The following VPS13B variants were observed in gnomAD, a reference collection of about 807,000 sequenced individuals.
The protein encoded by VPS13B is vacuolar protein sorting 13 homolog B.
A neutral mutation model predicts 426.4 loss-of-function variants in VPS13B; 285 were observed. That is an observed-to-expected ratio of 0.67 (90% confidence interval 0.61 to 0.74). The LOEUF is 0.74. Among genes scored for constraint, VPS13B ranks in the 30% least tolerant of loss-of-function variants. The pLI is 0.00. For synonymous variants in VPS13B, 1,676 were observed against 1,676.4 expected (o/e 1.00, Z 0.01); for missense variants, 4,537 against 4,782.6 (o/e 0.95, Z 1.51).
intron 30 of VPS13B, among the ~76,000 whole-genome samples, chr8:99,537,746 G>A (rs1427599718): frequency 1.3e-5 from 2 of 152,164 alleles, no homozygotes; most frequent in Admixed American, 6.6e-5. Context: ...GATGTGTGAT[G>A]TACTGTAATT....
intron 35 of VPS13B, among the ~76,000 whole-genome samples, chr8:99,694,152 C>T (rs2130117850): frequency 8.7e-5 from 2 of 23,056 alleles, no homozygotes; most frequent in Non-Finnish European, 1.8e-4. Context: ...ATGCCATCCC[C>T]ATCAAGCTAC....
At chr8:99,329,410 G>A (rs1021073663) in intron 19 of VPS13B, among the ~76,000 whole-genome samples, 3 of 152,010 alleles carry the variant, frequency 2.0e-5, no homozygotes, top group Non-Finnish European at 2.9e-5. Context: ...GAAGAACATT[G>A]TGGTCTATAT....
chr8:99,423,850 T>C (rs1422309158), intron 21 of VPS13B, among the ~76,000 whole-genome samples: 1 of 152,194 alleles, frequency 6.6e-6, no homozygotes, highest in South Asian at 2.1e-4. Flanking sequence ...AGTTTTGGAA[T>C]AGGTGTGGTG....
At chr8:99,639,882 G>T (rs1829239001) in intron 33 of VPS13B, among the ~76,000 whole-genome samples, 1 of 148,460 alleles carries the variant, frequency 6.7e-6, no homozygotes, top group African/African-American at 2.5e-5. Flanking sequence ...GAAATGGGAG[G>T]CTTCCTTGAG....
intron 3 of VPS13B, among the ~76,000 whole-genome samples, chr8:99,082,876 AC>A (rs1845560750): frequency 6.6e-6 from 1 of 152,102 alleles, no homozygotes; most frequent in Non-Finnish European, 1.5e-5. Context: ...CTTGTAGTAT[AC>A]TTTGAAGTCA....
intron 36 of VPS13B, among the ~76,000 whole-genome samples, chr8:99,708,813 TTCTCTCTCTCTCTCTGTCTC>T (rs1365160539): frequency 2.8e-5 from 4 of 141,552 alleles, no homozygotes; most frequent in Admixed American, 7.1e-5. Flanking sequence ...TATTAATAGG[TTCTCTCTCTCTCTCTGTCTC>T]TCTCTCTCTC....
At chr8:99,166,905 C>T (rs1477805437) in intron 15 of VPS13B, among the ~76,000 whole-genome samples, 1 of 152,056 alleles carries the variant, frequency 6.6e-6, no homozygotes, top group South Asian at 2.1e-4. Flanking sequence ...AGCAATAAAC[C>T]ATTGTGAGAA....
chr8:99,572,586 G>T (rs539438083), intron 31 of VPS13B, among the ~76,000 whole-genome samples: 1 of 152,196 alleles, frequency 6.6e-6, no homozygotes, highest in East Asian at 1.9e-4. Flanking sequence ...AGTTTGCTGA[G>T]AATGATGGTT....
At chr8:99,864,417 G>A (rs1816991205) in intron 58 of VPS13B, among the ~76,000 whole-genome samples, 1 of 152,036 alleles carries the variant, frequency 6.6e-6, no homozygotes, top group Non-Finnish European at 1.5e-5. Flanking sequence ...AATTAGCCAG[G>A]CATGGTGGCA....
intron 3 of VPS13B, among the ~76,000 whole-genome samples, chr8:99,079,043 C>T (rs1035145426): frequency 9.2e-5 from 14 of 152,168 alleles, no homozygotes; most frequent in African/African-American, 2.9e-4. Flanking sequence ...GGATCAATCT[C>T]CAGGCTCCCA....
intron 31 of VPS13B, among the ~76,000 whole-genome samples, chr8:99,566,942 AT>A (rs2133789205): frequency 6.6e-6 from 1 of 152,260 alleles, no homozygotes; most frequent in East Asian, 1.9e-4. Flanking sequence ...TGTGTCACTT[AT>A]AGTTCACTGT....
In VPS13B at chr8:99,103,041, C is replaced by T. The variant is rs765288271; in HGVS notation, c.501C>T (p.Ile167=). ...NLILKYVEDD[I]VLSVNITSAE... The stretch of plus-strand genomic sequence containing the variant: ...TACTAAAATATGTTGAAGATGATAT[C>T]GTCCTTTCCGTCAATATCACTTCTG... The change falls in exon 5 of 62, where the codon ATC becomes ATT. Residue 167 remains isoleucine, a synonymous_variant. Transcript: ENST00000357162. 1.9e-6 allele frequency: 3 copies of T among 1,612,882 alleles called. No homozygotes were observed. The highest frequency in any genetic ancestry group is 2.7e-5 in the African/African-American group (2 of 74,874).
chr8:99,030,232 T>TC (rs397940900), intron 2 of VPS13B, among the ~76,000 whole-genome samples: 37 of 151,100 alleles, frequency 2.4e-4, no homozygotes, highest in South Asian at 1.5e-3. Context: ...TTTTTTTTTT[T>TC]CGGCTAACCT....
In VPS13B at chr8:99,143,101, G is replaced by A. The variant is rs1810520439; in HGVS notation, c.1779G>A (p.Arg593=). The A allele has an allele frequency of 6.2e-7, 1 of 1,613,866 alleles. No homozygotes were observed. The highest frequency in any genetic ancestry group is 1.3e-5 in the African/African-American group (1 of 74,894). ...DFRLDSSAVH[R]ILKMIVCALE... The stretch of plus-strand genomic sequence containing the variant: ...GTTTGGATAGCAGTGCGGTGCATAG[G>A]ATTTTGAAAATGATTGTGTGTGCCT... The change falls in exon 13 of 62, where the codon AGG becomes AGA. Residue 593 remains arginine, a synonymous_variant. Coordinates refer to ENST00000357162, the MANE Select transcript of VPS13B (RefSeq NM_152564.5).
chr8:99,309,379 C>T (rs1196078746), intron 19 of VPS13B, among the ~76,000 whole-genome samples: 3 of 152,150 alleles, frequency 2.0e-5, no homozygotes, highest in Non-Finnish European at 4.4e-5. Context: ...GGAAGGGATC[C>T]AGTTTCAGCT....
intron 57 of VPS13B, 55 bp downstream of exon 57, chr8:99,859,535 T>C (rs572936902): frequency 6.2e-7 from 1 of 1,601,796 alleles, no homozygotes; most frequent in Admixed American, 1.7e-5. Context: ...TTTTTTTTTT[T>C]TTTAAAGAAT....
intron 16 of VPS13B, among the ~76,000 whole-genome samples, chr8:99,186,487 G>T (rs1453120267): frequency 6.6e-6 from 1 of 151,900 alleles, no homozygotes; most frequent in Non-Finnish European, 1.5e-5. Context: ...TTGAGTATTT[G>T]TTATTTTCTA....
chr8:99,158,048 C>A (rs71516826), intron 15 of VPS13B, among the ~76,000 whole-genome samples: 2,125 of 152,278 alleles, frequency 0.014, 16 homozygotes, highest in Middle Eastern at 0.044. Context: ...ATCTCCATAA[C>A]ATAAAAGTGC....
intron 23 of VPS13B, among the ~76,000 whole-genome samples, chr8:99,448,211 C>G (rs1818023899): frequency 1.3e-5 from 2 of 149,888 alleles, no homozygotes; most frequent in Admixed American, 6.7e-5. Context: ...TAAAAAAAAT[C>G]ACATACCAGA....
Sources: gnomAD v4.1 joint callset for allele counts (sites outside exome capture counted in the v4.1 genomes callset) on GRCh38, gnomAD v4.1.1 for gene constraint, MANE v1.5 for transcripts, NCBI Gene and HGNC (gene_info 2026-07-23, HGNC 2026-07-21) for gene names.